The following RBMS3 variants were observed in gnomAD, a reference collection of about 807,000 sequenced individuals.
The protein encoded by RBMS3 is RNA-binding motif, single-stranded-interacting protein 3.
In RBMS3, 27 loss-of-function variants were observed where a neutral mutation model predicts 66.8. The observed-to-expected ratio is 0.40, with a 90% confidence interval of 0.30 to 0.56. The LOEUF (loss-of-function observed/expected upper bound fraction) is 0.56. RBMS3 is among the 20% of genes least tolerant of loss of function. The pLI is 0.40. For missense variants in RBMS3, 513 were observed against 549.5 expected, an observed-to-expected ratio of 0.93 and a Z score of 0.66; for synonymous variants, 188 against 183.0, an observed-to-expected ratio of 1.03 and a Z score of -0.22.
intron 10 of RBMS3, among the ~76,000 whole-genome samples, chr3:29,918,758 G>A (rs1398343374): frequency 6.6e-6 from 1 of 152,138 alleles, no homozygotes; most frequent in Admixed American, 6.5e-5. Context: ...ACGTAAGATA[G>A]TTTATTGTTG....
chr3:29,503,037 T>A (rs751367565), intron 3 of RBMS3, among the ~76,000 whole-genome samples: 3 of 152,174 alleles, frequency 2.0e-5, no homozygotes, highest in Non-Finnish European at 4.4e-5. Flanking sequence ...TCTCTTTTCT[T>A]TTCTTCAAAT....
intron 10 of RBMS3, among the ~76,000 whole-genome samples, chr3:29,905,671 T>G (rs188963417): frequency 5.7e-4 from 87 of 152,222 alleles, no homozygotes; most frequent in African/African-American, 2.0e-3. Flanking sequence ...GTGTCCAATA[T>G]TTTGGCTTCC....
chr3:29,962,568 A>ATATATATATAT (rs199824648), intron 12 of RBMS3, among the ~76,000 whole-genome samples: 13 of 149,498 alleles, frequency 8.7e-5, no homozygotes, highest in South Asian at 6.4e-4. Flanking sequence ...ATATATATAT[A>ATATATATATAT]ATACCATACC....
chr3:29,861,479 T>C (rs984383473), intron 6 of RBMS3, among the ~76,000 whole-genome samples: 1 of 152,134 alleles, frequency 6.6e-6, no homozygotes, highest in Admixed American at 6.5e-5. Flanking sequence ...CTTAAATAAA[T>C]TGAATGTTAA....
At chr3:29,875,707 A>C (rs527826272) in intron 7 of RBMS3, among the ~76,000 whole-genome samples, 21 of 152,264 alleles carry the variant, frequency 1.4e-4, no homozygotes, top group African/African-American at 5.1e-4. Context: ...TTTAATGACA[A>C]ACTCAGATTA....
intron 1 of RBMS3, among the ~76,000 whole-genome samples, chr3:29,424,486 G>A (rs901983867): frequency 6.6e-6 from 1 of 152,220 alleles, no homozygotes; most frequent in Admixed American, 6.5e-5. Context: ...TGAGTACTGG[G>A]AAGTAGAAGG....
chr3:29,825,362 A>G (rs536148868), intron 6 of RBMS3, among the ~76,000 whole-genome samples: 63 of 152,150 alleles, frequency 4.1e-4, no homozygotes, highest in Non-Finnish European at 4.1e-4. Context: ...TGTGTTGTAC[A>G]TGAGAGATAC....
chr3:29,521,991 C>A (rs1206215946), intron 3 of RBMS3, among the ~76,000 whole-genome samples: 1 of 152,136 alleles, frequency 6.6e-6, no homozygotes, highest in African/African-American at 2.4e-5. Flanking sequence ...TTGGAATGTT[C>A]TTTATCTTCA....
chr3:29,807,713 A>G (rs948376183), intron 6 of RBMS3, among the ~76,000 whole-genome samples: 1 of 151,872 alleles, frequency 6.6e-6, no homozygotes, highest in African/African-American at 2.4e-5. Flanking sequence ...TAAAACAAGC[A>G]AGTGTAGATC....
rs970552381 is a variant in RBMS3, at chr3:29,804,921, G to A, written c.637+41932G>A. On this transcript the variant is annotated intron_variant, in intron 6 of 14. Coordinates refer to ENST00000383767, the MANE Select transcript of RBMS3 (RefSeq NM_001003793.3). ...TTCTGGGCAAAGAATCTGCGTGTAC[G>A]TGTGTGTGTGTGTGTGTGTGTGTGT... Among the ~76,000 whole-genome samples the A allele has an allele frequency of 1.6e-4, 3 of 18,378 alleles. No homozygotes were observed. The South Asian group carries it at 2.2e-3, about 13-fold the overall frequency. 12.1% of individuals were successfully genotyped at this position (18,378 alleles called of 152,430 possible).
intron 4 of RBMS3, among the ~76,000 whole-genome samples, chr3:29,683,416 G>T (rs993431709): frequency 6.6e-6 from 1 of 152,178 alleles, no homozygotes; most frequent in South Asian, 2.1e-4. Flanking sequence ...TAAATGTGCT[G>T]CCAAATTGAA....
chr3:29,878,155 A>T (rs2059653829), intron 7 of RBMS3, among the ~76,000 whole-genome samples: 1 of 152,000 alleles, frequency 6.6e-6, no homozygotes, highest in Non-Finnish European at 1.5e-5. Context: ...TCCAATGAGA[A>T]TCGAATGCCC....
At chr3:29,579,643 C>T (rs2149081578) in intron 3 of RBMS3, among the ~76,000 whole-genome samples, 1 of 152,300 alleles carries the variant, frequency 6.6e-6, no homozygotes, top group South Asian at 2.1e-4. Context: ...CCATTACACA[C>T]TTGTACCTCC....
chr3:29,843,418 G>T (rs2058708451), intron 6 of RBMS3, among the ~76,000 whole-genome samples: 2 of 152,156 alleles, frequency 1.3e-5, no homozygotes, highest in Admixed American at 6.5e-5. Flanking sequence ...ACCAGTACAG[G>T]TGTGATCTTA....
chr3:29,709,458 C>T (rs2053059607), intron 4 of RBMS3, among the ~76,000 whole-genome samples: 1 of 152,276 alleles, frequency 6.6e-6, no homozygotes, highest in Non-Finnish European at 1.5e-5. Flanking sequence ...AGAGTATATT[C>T]TGTTTTGTGA....
intron 4 of RBMS3, among the ~76,000 whole-genome samples, chr3:29,592,959 G>T (rs1174917806): frequency 2.2e-5 from 3 of 136,750 alleles, no homozygotes; most frequent in African/African-American, 8.2e-5. Flanking sequence ...ATTGAACAAT[G>T]AGAACACTTG....
At position 29,321,888 on chromosome 3, in the gene RBMS3, G is replaced by A. The variant is rs146929367; in HGVS notation, c.75+40132G>A. On this transcript the variant is annotated intron_variant, in intron 1 of 14. Transcript: ENST00000383767. ...ATGCTCACTCAGTAAAAACTAAGCG[G>A]CTCTAAATGGTTTCCTTTTAAGAAG... Among the ~76,000 whole-genome samples, 82 of 152,166 alleles carry A rather than the reference G, an allele frequency of 5.4e-4. No homozygotes were observed. The East Asian group carries it at 0.014, about 26-fold the overall frequency.
intron 3 of RBMS3, among the ~76,000 whole-genome samples, chr3:29,514,491 C>T (rs9813186): frequency 0.11 from 17,256 of 151,470 alleles, 1,561 homozygotes; most frequent in East Asian, 0.39. Flanking sequence ...TTTACACATA[C>T]GAGTTGCTCA....
chr3:29,766,955 T>C (rs1185560755), intron 6 of RBMS3: 1 of 151,950 alleles, frequency 6.6e-6, no homozygotes, highest in Non-Finnish European at 1.5e-5. Context: ...CCATAAATGT[T>C]GCATGTCCTA....
Sources: allele counts gnomAD v4.1 joint callset (sites outside exome capture counted in the v4.1 genomes callset), GRCh38; gene constraint gnomAD v4.1.1; transcripts MANE v1.5; gene names NCBI Gene and HGNC (gene_info 2026-07-23, HGNC 2026-07-21).